The following GRM8 variants were observed in gnomAD, a reference collection of about 807,000 sequenced individuals.
GRM8 encodes the protein glutamate metabotropic receptor 8.
GRM8 carries 47 observed loss-of-function variants against 87.2 expected under a neutral mutation model. The observed-to-expected ratio is 0.54, with a 90% CI of 0.43 to 0.69. GRM8 has a LOEUF of 0.69. Ranked by LOEUF, GRM8 falls within the 30% of genes least tolerant of loss-of-function variation. The pLI, the probability that GRM8 is intolerant of heterozygous loss-of-function variation, is 0.00. For synonymous variants in GRM8, 396 were observed against 404.5 expected (o/e 0.98, Z 0.25); for missense variants, 1,019 against 1,139.2 (o/e 0.89, Z 1.52).
At position 126,471,982 on chromosome 7, in the gene GRM8, G is replaced by A. The variant is rs1227990102; in HGVS notation, c.2431-25610C>T. Among the ~76,000 whole-genome samples, 3 of 151,892 alleles carry A rather than the reference G, an allele frequency of 2.0e-5. No homozygotes were observed. In the East Asian group the frequency reaches 5.8e-4, roughly 29 times the overall value. ...TGAATGGGAGTTCACTCATGATTTGGCTCTCTGTCTGTTATTGGTGTATAA... is the reference window on the plus strand; with the variant it reads ...TGAATGGGAGTTCACTCATGATTTGACTCTCTGTCTGTTATTGGTGTATAA... On this transcript the variant is annotated intron_variant, in intron 9 of 10. Transcript: ENST00000339582.
At chr7:126,895,259 T>C (rs2131133056) in intron 6 of GRM8, among the ~76,000 whole-genome samples, 1 of 152,258 alleles carries the variant, frequency 6.6e-6, no homozygotes, top group African/African-American at 2.4e-5. Context: ...GTTTAGACGA[T>C]CTTCTGTAAG....
intron 6 of GRM8, among the ~76,000 whole-genome samples, chr7:126,881,051 T>C (rs1345816450): frequency 5.3e-5 from 8 of 152,200 alleles, no homozygotes; most frequent in Admixed American, 4.6e-4. Context: ...GATCCTAATG[T>C]AGAGCTTTCA....
At chr7:127,105,726 TAAC>T (rs1216062119) in intron 3 of GRM8, among the ~76,000 whole-genome samples, 2 of 152,242 alleles carry the variant, frequency 1.3e-5, no homozygotes, top group Non-Finnish European at 1.5e-5. Context: ...AGTACTTAAG[TAAC>T]AACAACATAC....
chr7:127,054,479 G>A (rs1457210827), intron 3 of GRM8, among the ~76,000 whole-genome samples: 1 of 152,124 alleles, frequency 6.6e-6, no homozygotes, highest in East Asian at 1.9e-4. Flanking sequence ...AGTCTGTTTG[G>A]TTATAAAATG....
At chr7:127,027,968 C>G (rs1390727201) in intron 3 of GRM8, among the ~76,000 whole-genome samples, 1 of 152,018 alleles carries the variant, frequency 6.6e-6, no homozygotes, top group Non-Finnish European at 1.5e-5. Context: ...GGCTGTGGGT[C>G]TGTCATAAAT....
At chr7:126,471,809 C>T (rs1169725479) in intron 9 of GRM8, among the ~76,000 whole-genome samples, 4 of 151,984 alleles carry the variant, frequency 2.6e-5, no homozygotes. Flanking sequence ...GATATTGATT[C>T]TTCCTACCCA....
chr7:126,750,477 T>C (rs905702745), intron 7 of GRM8, among the ~76,000 whole-genome samples: 1 of 152,048 alleles, frequency 6.6e-6, no homozygotes, highest in African/African-American at 2.4e-5. Flanking sequence ...GTGTCTATAT[T>C]TTACCTCAAT....
At chr7:126,900,535 G>C (rs914124630) in intron 6 of GRM8, among the ~76,000 whole-genome samples, 29 of 152,006 alleles carry the variant, frequency 1.9e-4, no homozygotes, top group Admixed American at 6.6e-5. Flanking sequence ...TTTGGAGATA[G>C]AGTCTCACTC....
At chr7:126,532,914 C>T in intron 9 of GRM8, 38 bp downstream of exon 9, 1 of 1,229,704 alleles carries the variant, frequency 8.1e-7, no homozygotes, top group Non-Finnish European at 1.2e-6. Context: ...GATGTTAAAT[C>T]CAGGAAAAAG....
intron 1 of GRM8, 130 bp from the exon 2 acceptor site, chr7:127,243,645 CT>C: frequency 1.2e-5 from 2 of 160,244 alleles, no homozygotes; most frequent in Non-Finnish European, 2.7e-5. Flanking sequence ...TTTTGTCCCC[CT>C]GTGATTCTGA....
intron 6 of GRM8, among the ~76,000 whole-genome samples, chr7:126,831,324 G>A (rs922751801): frequency 1.4e-4 from 22 of 152,342 alleles, no homozygotes; most frequent in South Asian, 1.0e-3. Flanking sequence ...TACAGAGGCA[G>A]GCAGGCCTCC....
At chr7:126,985,395 T>G (rs1811955911) in intron 3 of GRM8, among the ~76,000 whole-genome samples, 2 of 152,184 alleles carry the variant, frequency 1.3e-5, no homozygotes, top group Non-Finnish European at 2.9e-5. Flanking sequence ...AGAAAACTCA[T>G]TAATTTATTA....
chr7:126,805,592 A>G lies in GRM8; in HGVS notation c.1157-35527T>C, dbSNP rs114742484. Among the ~76,000 whole-genome samples, 431 of 152,286 alleles carry G rather than the reference A, an allele frequency of 2.8e-3. 5 individuals are homozygous for G. Among genetic ancestry groups the G allele is most frequent in the African/African-American group, 0.01 (416 of 41,562 alleles). On this transcript the variant is annotated intron_variant, in intron 6 of 10. Coordinates refer to ENST00000339582, the MANE Select transcript of GRM8 (RefSeq NM_000845.3). ...TGCAGTACCCATGGATACCTCTTAC[A>G]GCTTGCTGCTTGTGGCTTGCATCCA...
intron 2 of GRM8, among the ~76,000 whole-genome samples, chr7:127,237,244 G>A (rs1249859926): frequency 6.6e-6 from 1 of 152,116 alleles, no homozygotes. Context: ...CCAAAGAGTT[G>A]ACTGAAGAAG....
At chr7:126,882,803 A>G (rs533382289) in intron 6 of GRM8, among the ~76,000 whole-genome samples, 98 of 152,266 alleles carry the variant, frequency 6.4e-4, no homozygotes, top group Non-Finnish European at 7.9e-4. Flanking sequence ...CTACTCAGGC[A>G]TCCCACAGAG....
chr7:126,439,739 G>A (rs528345334), intron 10 of GRM8, among the ~76,000 whole-genome samples: 216 of 151,958 alleles, frequency 1.4e-3, no homozygotes, highest in African/African-American at 5.0e-3. Context: ...CTCCATGTGT[G>A]TTATTGCCCC....
chr7:127,134,594 C>T (rs1827854477), intron 2 of GRM8, among the ~76,000 whole-genome samples: 1 of 151,986 alleles, frequency 6.6e-6, no homozygotes, highest in African/African-American at 2.4e-5. Context: ...GTAGGAAAGG[C>T]AAAACAAATT....
At chr7:126,780,531 G>C (rs1819942911) in intron 6 of GRM8, among the ~76,000 whole-genome samples, 1 of 152,136 alleles carries the variant, frequency 6.6e-6, no homozygotes, top group African/African-American at 2.4e-5. Flanking sequence ...CCTACTCCTT[G>C]CTGTCACAGA....
At chr7:126,666,931 G>C (rs1164253232) in intron 7 of GRM8, among the ~76,000 whole-genome samples, 4 of 151,688 alleles carry the variant, frequency 2.6e-5, no homozygotes, top group African/African-American at 9.7e-5. Context: ...GCTCCATTGG[G>C]GATATTACAT....
Sources: allele counts gnomAD v4.1 joint callset (sites outside exome capture counted in the v4.1 genomes callset), GRCh38; gene constraint gnomAD v4.1.1; transcripts MANE v1.5; gene names NCBI Gene and HGNC (gene_info 2026-07-23, HGNC 2026-07-21).